Variants in PRSS54 observed in about 807,000 individuals in gnomAD.
The protein encoded by PRSS54 is serine protease 54.
A neutral mutation model predicts 19.9 loss-of-function variants in PRSS54; 16 were observed. The observed-to-expected ratio is 0.80, with a 90% CI of 0.54 to 1.22. The LOEUF (loss-of-function observed/expected upper bound fraction) is 1.22. Ranked by LOEUF, PRSS54 falls within the 50% of genes most tolerant of loss-of-function variation. PRSS54 has a pLI of 0.00. For missense variants in PRSS54, 444 were observed against 494.8 expected, an observed-to-expected ratio of 0.90 and a Z score of 0.97; for synonymous variants, 177 against 195.8, an observed-to-expected ratio of 0.90 and a Z score of 0.80.
intron 5 of PRSS54, 138 bp downstream of exon 5, chr16:58,285,799 A>T: frequency 1.2e-6 from 1 of 819,672 alleles, no homozygotes; most frequent in Non-Finnish European, 1.9e-6. Flanking sequence ...TTGACTGATT[A>T]GGTAAGGGTT....
chr16:58,288,203 A>G (rs921789746), intron 4 of PRSS54, among the ~76,000 whole-genome samples: 1 of 152,222 alleles, frequency 6.6e-6, no homozygotes, highest in Non-Finnish European at 1.5e-5. Context: ...AGGTGGGTGG[A>G]TCACCTGAGA....
intron 3 of PRSS54, 37 bp from the exon 4 acceptor site, chr16:58,291,173 G>A: frequency 6.3e-7 from 1 of 1,596,098 alleles, no homozygotes. Context: ...GCCGGGGCAA[G>A]GAGACCTCAG....
Position 58,280,449 on chromosome 16 carries a change from C to G in PRSS54, c.963G>C (p.Thr321=), listed in dbSNP as rs201832814. The change falls in exon 7 of 7, where the codon ACG becomes ACC. Residue 321 remains threonine, a synonymous_variant. Transcript: ENST00000567164. Reference sequence around the variant, plus strand: ...TAGAGCTGTTTCCTAGTCGTGAATGCGTGATGGTCCTTCTTTGTCCCTGCA... The same window carrying G: ...TAGAGCTGTTTCCTAGTCGTGAATGGGTGATGGTCCTTCTTTGTCCCTGCA... ...SYLQGQRRTI[T]HSRLGNSSRD... is the part of the protein sequence containing the mutation. The G allele has an allele frequency of 8.1e-6, 13 of 1,614,022 alleles. No individual in the cohort carries two copies. The highest frequency in any genetic ancestry group is 3.3e-4 in the Middle Eastern group (2 of 6,084).
intron 4 of PRSS54, among the ~76,000 whole-genome samples, chr16:58,287,309 G>T (rs2142645161): frequency 6.6e-6 from 1 of 152,280 alleles, no homozygotes; most frequent in Admixed American, 6.5e-5. Context: ...AAGATAAATT[G>T]GGGTGCGTTT....
In PRSS54 at chr16:58,293,682, C is replaced by T. The variant is rs756382051; in HGVS notation, c.85+50G>A. 3 of 1,575,308 alleles carry T rather than the reference C, an allele frequency of 1.9e-6. No individual in the cohort carries two copies. In the South Asian group the frequency reaches 3.5e-5, roughly 18 times the overall value. ...CTTCATCTTCCCGGATGATCCCCTT[C>T]TGTGCCACGTGTGCAGCTAAAGTCA... On this transcript the variant is annotated intron_variant, in intron 3 of 6. Coordinates refer to ENST00000567164, the MANE Select transcript of PRSS54 (RefSeq NM_001305173.2).
In PRSS54 at chr16:58,294,131, A is replaced by G; in HGVS notation, c.-153T>C. 3.0e-6 allele frequency: 1 copy of G among 338,408 alleles called. No individual in the cohort carries two copies. The highest frequency in any genetic ancestry group is 5.9e-5 in the East Asian group (1 of 16,966). The allele number at this position is 338,408 out of a possible 1,614,324, so 21.0% of individuals were successfully genotyped here. On this transcript the variant is annotated 5_prime_UTR_variant, in exon 2 of 7. Transcript: ENST00000567164. ...TCCAGCCCAAGCCCCTGAGCACCCC[A>G]GAGAGTTGGGTCTCTGAAAAGGGCT...
rs1965083728 is a variant in PRSS54, at chr16:58,293,587, A to C, written c.85+145T>G. On this transcript the variant is annotated intron_variant, in intron 3 of 6. Coordinates refer to ENST00000567164, the MANE Select transcript of PRSS54 (RefSeq NM_001305173.2). Reference sequence around the variant, plus strand: ...ACTTCTTTGCCTGGTTCCTGCCACCAATGCAGGCCGCCCGGTGCAAAGTGC... The same window carrying C: ...ACTTCTTTGCCTGGTTCCTGCCACCCATGCAGGCCGCCCGGTGCAAAGTGC... The C allele has an allele frequency of 5.4e-6, 8 of 1,480,462 alleles. No homozygotes were observed. The South Asian group carries it at 8.2e-5, about 15-fold the overall frequency. 91.7% of individuals were successfully genotyped at this position (1,480,462 alleles called of 1,614,324 possible).
Position 58,280,331 on chromosome 16 carries a change from C to A in PRSS54, c.1081G>T (p.Gly361Trp). 1.2e-6 allele frequency: 2 copies of A among 1,614,176 alleles called. No individual in the cohort carries two copies. Among genetic ancestry groups the A allele is most frequent in the Non-Finnish European group, 1.7e-6 (2 of 1,180,042 alleles). The change falls in exon 7 of 7, where the codon GGG (glycine) becomes TGG (tryptophan). Residue 361 changes from glycine to tryptophan, a missense_variant. Gly to Trp is a radical substitution (Grantham distance 184). Transcript: ENST00000567164. ...AAAATCCTACCTTCCCCCACCTCCC[C>A]ACCGTAATAGTCATAGTATAAGGGT... is the stretch of plus-strand genomic sequence containing the variant. The part of the protein sequence containing the change: ...VQPLYYDYYG[G>W]EVGEGRIFAG...
At chr16:58,293,585 C>G in intron 3 of PRSS54, 147 bp downstream of exon 3, 1 of 1,479,088 alleles carries the variant, frequency 6.8e-7, no homozygotes, top group Non-Finnish European at 9.0e-7. Context: ...GTTCCTGCCA[C>G]CAATGCAGGC....
In PRSS54 at chr16:58,285,793, C is replaced by A. The variant is rs375157229; in HGVS notation, c.522+144G>T. 4.8e-5 allele frequency: 34 copies of A among 705,730 alleles called. 1 individual carries two copies. In the African/African-American group the frequency reaches 5.7e-4, roughly 12 times the overall value. The allele number at this position is 705,730 out of a possible 1,614,324, so 43.7% of individuals were successfully genotyped here. A position where few individuals can be genotyped will look rare whatever the true frequency, so the allele number is the denominator to read the frequency against. ...CTACAGAAAGCCCTGGGAGTCTTGA[C>A]TGATTAGGTAAGGGTTTCAGCCAAA... On this transcript the variant is annotated intron_variant, in intron 5 of 6. Coordinates refer to ENST00000567164, the MANE Select transcript of PRSS54 (RefSeq NM_001305173.2).
chr16:58,284,631 A>C lies in PRSS54; in HGVS notation c.613T>G (p.Cys205Gly), dbSNP rs1596900145. ...GTTTCCTCTTTCGTGTGGCTGCCGC[A>C]TTCTGTCTTCTGGAGTTTGTATAGG... is the stretch of plus-strand genomic sequence containing the variant. ...CPLYKLQKTE[C>G]GSHTKEETKT... is the part of the protein sequence containing the mutation. Residue 205 changes from cysteine to glycine, a missense_variant, in exon 6 of 7, where the codon TGC (cysteine) becomes GGC (glycine). Coordinates refer to ENST00000567164, the MANE Select transcript of PRSS54 (RefSeq NM_001305173.2). The C allele has an allele frequency of 6.2e-7, 1 of 1,613,972 alleles. No homozygotes were observed. The highest frequency in any genetic ancestry group is 8.5e-7 in the Non-Finnish European group (1 of 1,179,964).
chr16:58,291,168 G>C, intron 3 of PRSS54, 32 bp from the exon 4 acceptor site: 1 of 1,606,384 alleles, frequency 6.2e-7, no homozygotes. Flanking sequence ...TCACTGCCGG[G>C]GCAAGGAGAC....
At chr16:58,288,254 C>T (rs758379032) in intron 4 of PRSS54, among the ~76,000 whole-genome samples, 3 of 152,108 alleles carry the variant, frequency 2.0e-5, no homozygotes, top group Non-Finnish European at 2.9e-5. Context: ...GGCAAAACCT[C>T]GTCTCTACTA....
At chr16:58,285,157 C>T (rs1044390122) in intron 5 of PRSS54, 1 of 157,384 alleles carries the variant, frequency 6.4e-6, no homozygotes, top group Non-Finnish European at 1.4e-5. Context: ...GAAATAAGAA[C>T]CTGTGACTGA....
rs921507147 is a variant in PRSS54 at position 58,290,993 on chromosome 16, A to C, written c.229T>G (p.Trp77Gly). The C allele has an allele frequency of 6.2e-7, 1 of 1,614,254 alleles. No homozygotes were observed. Among genetic ancestry groups the C allele is most frequent in the Non-Finnish European group, 8.5e-7 (1 of 1,180,044 alleles). Residue 77 changes from tryptophan to glycine, a missense_variant, in exon 4 of 7, where the codon TGG (tryptophan) becomes GGG (glycine). Transcript: ENST00000567164. ...ATGGCGGATGCGATGCTGAGGACCC[A>C]GAACTCGCTCAGGATGCAGCCGAAA... ...LAFGCILSEF[W>G]VLSIASAIQN...
At position 58,280,125 on chromosome 16, in the gene PRSS54, A is replaced by C; in HGVS notation, c.*99T>G. On this transcript the variant is annotated 3_prime_UTR_variant, in exon 7 of 7. Coordinates refer to ENST00000567164, the MANE Select transcript of PRSS54 (RefSeq NM_001305173.2). ...CCATGGGCTTATCCGTGGCAGCCCCAGTGTGCAACTATCAAAAACAGACAT... is the reference window on the plus strand; with the variant it reads ...CCATGGGCTTATCCGTGGCAGCCCCCGTGTGCAACTATCAAAAACAGACAT... 8.1e-7 allele frequency: 1 copy of C among 1,232,884 alleles called. No individual in the cohort carries two copies. 76.4% of individuals were successfully genotyped at this position (1,232,884 alleles called of 1,614,324 possible).
chr16:58,284,153 A>T (rs1964854222), intron 6 of PRSS54, among the ~76,000 whole-genome samples: 1 of 152,092 alleles, frequency 6.6e-6, no homozygotes, highest in Non-Finnish European at 1.5e-5. Flanking sequence ...GCAGTAGGAC[A>T]GCCACATCCG....
chr16:58,280,330 C>G lies in PRSS54; in HGVS notation c.1082G>C (p.Gly361Ala). ...VQPLYYDYYG[G>A]EVGEGRIFAG... Reference sequence around the variant, plus strand: ...AAAAATCCTACCTTCCCCCACCTCCCCACCGTAATAGTCATAGTATAAGGG... The same window carrying G: ...AAAAATCCTACCTTCCCCCACCTCCGCACCGTAATAGTCATAGTATAAGGG... The change falls in exon 7 of 7, where the codon GGG (glycine) becomes GCG (alanine). Residue 361 changes from glycine to alanine, a missense_variant. Transcript: ENST00000567164. 5.0e-6 allele frequency: 8 copies of G among 1,614,186 alleles called. No individual in the cohort carries two copies. The highest frequency in any genetic ancestry group is 6.8e-6 in the Non-Finnish European group (8 of 1,180,032).
chr16:58,286,774 C>T (rs1964928841), intron 4 of PRSS54, among the ~76,000 whole-genome samples: 1 of 152,084 alleles, frequency 6.6e-6, no homozygotes, highest in Non-Finnish European at 1.5e-5. Context: ...GAATCCAAAT[C>T]TCAGAGTCAA....
Sources: allele counts gnomAD v4.1 joint callset (sites outside exome capture counted in the v4.1 genomes callset), GRCh38; gene constraint gnomAD v4.1.1; transcripts MANE v1.5; gene names NCBI Gene and HGNC (gene_info 2026-07-23, HGNC 2026-07-21).